CYRIA: variants seen among roughly 807,000 people sequenced by gnomAD.
CYRIA encodes CYFIP related Rac1 interactor A, also known as CYFIP-related Rac1 interactor A.
Under a neutral mutation model 43.9 loss-of-function variants are expected in CYRIA, and 15 were observed. The observed-to-expected ratio is 0.34, with a 90% CI of 0.23 to 0.53. The LOEUF (loss-of-function observed/expected upper bound fraction) is 0.53, where lower values mean the gene tolerates loss of function less well. CYRIA is among the 20% of genes least tolerant of loss of function. The pLI, the probability that CYRIA is intolerant of heterozygous loss-of-function variation, is 0.94. For missense variants in CYRIA, 236 were observed against 394.2 expected, an observed-to-expected ratio of 0.60 and a Z score of 3.40; for synonymous variants, 117 against 136.0, an observed-to-expected ratio of 0.86 and a Z score of 0.97.
At chr2:16,560,930 T>C (rs887421130) in intron 9 of CYRIA, 60 bp downstream of exon 9, 2 of 1,430,472 alleles carry the variant, frequency 1.4e-6, no homozygotes, top group African/African-American at 2.8e-5. Context: ...AACATCATCA[T>C]CTTAACAGAC....
chr2:16,573,255 C>T (rs1045911155), intron 3 of CYRIA, among the ~76,000 whole-genome samples: 1 of 152,156 alleles, frequency 6.6e-6, no homozygotes, highest in African/African-American at 2.4e-5. Flanking sequence ...GGGATGTGTA[C>T]AACAATGAGG....
At chr2:16,643,862 T>C (rs1199667442) in intron 1 of CYRIA, among the ~76,000 whole-genome samples, 1 of 152,222 alleles carries the variant, frequency 6.6e-6, no homozygotes, top group Non-Finnish European at 1.5e-5. Context: ...AGAAACAGCA[T>C]TCCACTAGGC....
rs1357388067 is a variant in CYRIA, at chr2:16,550,510, C to T, written c.*2426G>A. 2 of 152,140 alleles carry T rather than the reference C, an allele frequency of 1.3e-5. No homozygotes were observed. Among genetic ancestry groups the T allele is most frequent in the Non-Finnish European group, 2.9e-5 (2 of 68,008 alleles). 9.4% of individuals were successfully genotyped at this position (152,140 alleles called of 1,614,324 possible). A position where few individuals can be genotyped will look rare whatever the true frequency, so the allele number is the denominator to read the frequency against. Reference sequence around the variant, plus strand: ...ATTCAGACCCTGGACTTCTCAGAATCCATGTACTGCTGAGTCTTGGCTTTG... The same window carrying T: ...ATTCAGACCCTGGACTTCTCAGAATTCATGTACTGCTGAGTCTTGGCTTTG... On this transcript the variant is annotated 3_prime_UTR_variant, in exon 12 of 12. Transcript: ENST00000381323.
chr2:16,602,600 C>T (rs1668250378), intron 2 of CYRIA, among the ~76,000 whole-genome samples: 1 of 152,110 alleles, frequency 6.6e-6, no homozygotes, highest in Admixed American at 6.5e-5. Flanking sequence ...TCCTGGACTT[C>T]ATAATATACA....
chr2:16,576,278 A>C (rs1324586670), intron 3 of CYRIA, among the ~76,000 whole-genome samples: 1 of 152,182 alleles, frequency 6.6e-6, no homozygotes, highest in Admixed American at 6.5e-5. Context: ...GCGGAGGATG[A>C]AGTAATTAAT....
intron 1 of CYRIA, among the ~76,000 whole-genome samples, chr2:16,631,194 G>C (rs1485484244): frequency 6.6e-6 from 1 of 152,228 alleles, no homozygotes; most frequent in African/African-American, 2.4e-5. Context: ...ATTTGTGTTC[G>C]TGTTTTATCT....
At chr2:16,615,466 C>A (rs539785519) in intron 2 of CYRIA, among the ~76,000 whole-genome samples, 3 of 152,158 alleles carry the variant, frequency 2.0e-5, no homozygotes, top group Non-Finnish European at 4.4e-5. Context: ...ACCCACTGAG[C>A]CCCCACTGCA....
intron 2 of CYRIA, among the ~76,000 whole-genome samples, chr2:16,619,386 T>C (rs2103503976): frequency 6.6e-6 from 1 of 152,272 alleles, no homozygotes; most frequent in Non-Finnish European, 1.5e-5. Context: ...TATATAGATA[T>C]ATATATATAT....
chr2:16,557,427 G>A (rs567858638), intron 10 of CYRIA, among the ~76,000 whole-genome samples: 22 of 152,166 alleles, frequency 1.4e-4, no homozygotes, highest in African/African-American at 5.1e-4. Context: ...AGGCCCTCAC[G>A]AAGAGATCCT....
intron 3 of CYRIA, among the ~76,000 whole-genome samples, chr2:16,583,818 G>A (rs1198921496): frequency 1.3e-5 from 2 of 152,226 alleles, no homozygotes; most frequent in African/African-American, 4.8e-5. Context: ...CAACAAAGAT[G>A]TTAAGTGTTT....
chr2:16,613,195 G>A (rs1668664666), intron 2 of CYRIA, among the ~76,000 whole-genome samples: 1 of 152,210 alleles, frequency 6.6e-6, no homozygotes, highest in South Asian at 2.1e-4. Flanking sequence ...TTCGAAGAAT[G>A]CTGAAGGCTG....
At chr2:16,593,714 GTGTGTT>G (rs1490590446) in intron 2 of CYRIA, among the ~76,000 whole-genome samples, 1 of 83,748 alleles carries the variant, frequency 1.2e-5, no homozygotes, top group Non-Finnish European at 2.3e-5. Flanking sequence ...TTTTGTGTGT[GTGTGTT>G]TTTTTTTTTT....
chr2:16,664,868 G>A (rs1246183387), intron 1 of CYRIA, among the ~76,000 whole-genome samples: 1 of 152,234 alleles, frequency 6.6e-6, no homozygotes, highest in Non-Finnish European at 1.5e-5. Context: ...AAACAAGGGT[G>A]TGGGAGAGGA....
rs1440386711 is a variant in CYRIA, at chr2:16,552,119, A to G, written c.*817T>C. On this transcript the variant is annotated 3_prime_UTR_variant, in exon 12 of 12. Coordinates refer to ENST00000381323, the MANE Select transcript of CYRIA (RefSeq NM_030797.4). ...GGTTGCTAAACTCACAAATAACTTC[A>G]AAGCCAGAGCTCCATTTCCCTAATC... is the stretch of plus-strand genomic sequence containing the variant. The G allele has an allele frequency of 6.6e-6, 1 of 152,118 alleles. No individual in the cohort carries two copies. Among genetic ancestry groups the G allele is most frequent in the Non-Finnish European group, 1.5e-5 (1 of 68,054 alleles). 9.4% of individuals were successfully genotyped at this position (152,118 alleles called of 1,614,324 possible).
At position 16,551,884 on chromosome 2, in the gene CYRIA, A is replaced by T. The variant is rs994564074; in HGVS notation, c.*1052T>A. On this transcript the variant is annotated 3_prime_UTR_variant, in exon 12 of 12. Coordinates refer to ENST00000381323, the MANE Select transcript of CYRIA (RefSeq NM_030797.4). ...AATTCAGGTGCACCAGGGCTTTTAT[A>T]TTGCAACAAGCTAGCAACGGGGTTG... is the stretch of plus-strand genomic sequence containing the variant. 2 of 152,094 alleles carry T rather than the reference A, an allele frequency of 1.3e-5. No homozygotes were observed. The highest frequency in any genetic ancestry group is 2.9e-5 in the Non-Finnish European group (2 of 67,986). The allele number at this position is 152,094 out of a possible 1,614,324, so 9.4% of individuals were successfully genotyped here.
At chr2:16,630,046 T>C (rs754385353) in intron 1 of CYRIA, among the ~76,000 whole-genome samples, 65 of 152,208 alleles carry the variant, frequency 4.3e-4, no homozygotes, top group Non-Finnish European at 6.6e-4. Flanking sequence ...CCGGTGATGA[T>C]GGTGATGGGG....
At chr2:16,582,562 T>C (rs1667586416) in intron 3 of CYRIA, among the ~76,000 whole-genome samples, 3 of 152,204 alleles carry the variant, frequency 2.0e-5, no homozygotes, top group Admixed American at 2.0e-4. Flanking sequence ...TTAATCTTTC[T>C]GTCTCGACAA....
intron 1 of CYRIA, among the ~76,000 whole-genome samples, chr2:16,625,258 C>T (rs2103512814): frequency 6.6e-6 from 1 of 152,210 alleles, no homozygotes; most frequent in South Asian, 2.1e-4. Context: ...TGGGCTGGTT[C>T]TGGCTCTCAG....
At position 16,633,543 on chromosome 2, in the gene CYRIA, CTTTTTTTTTTTTT is replaced by C. The variant is rs755223919; in HGVS notation, c.-166-9537_-166-9525del. Among the ~76,000 whole-genome samples, 11 of 92,320 alleles carry C rather than the reference CTTTTTTTTTTTTT, an allele frequency of 1.2e-4. 1 individual carries two copies. Among genetic ancestry groups the C allele is most frequent in the Non-Finnish European group, 2.4e-4 (11 of 46,466 alleles). 60.6% of individuals were successfully genotyped at this position (92,320 alleles called of 152,430 possible). A position where few individuals can be genotyped will look rare whatever the true frequency, so the allele number is the denominator to read the frequency against. On this transcript the variant is annotated intron_variant, in intron 1 of 11. Transcript: ENST00000381323. ...TACAAGTGCAGGTCACTATCCCTGG[CTTTTTTTTTTTTT>C]TTTTTTTTTTTTTTTTCTGTAGAGA...
Sources: allele counts gnomAD v4.1 joint callset (sites outside exome capture counted in the v4.1 genomes callset), GRCh38; gene constraint gnomAD v4.1.1; transcripts MANE v1.5; gene names NCBI Gene and HGNC (gene_info 2026-07-23, HGNC 2026-07-21).